The following GTF2H3 variants were observed in gnomAD, a reference collection of about 807,000 sequenced individuals.
The protein encoded by GTF2H3 is TFIIH basal transcription factor complex p34 subunit.
In GTF2H3, 42 loss-of-function variants were observed where a neutral mutation model predicts 51.1. That is an observed-to-expected ratio of 0.82 (90% CI 0.64 to 1.06). The LOEUF is 1.06. Ranked by LOEUF, GTF2H3 falls within the 50% of genes least tolerant of loss-of-function variation. The pLI, the probability that GTF2H3 is intolerant of heterozygous loss-of-function variation, is 0.00. For synonymous variants in GTF2H3, 123 were observed against 123.8 expected, an observed-to-expected ratio of 0.99 and a Z score of 0.04; for missense variants, 326 against 366.1, an observed-to-expected ratio of 0.89 and a Z score of 0.89.
intron 2 of GTF2H3, among the ~76,000 whole-genome samples, chr12:123,642,699 C>T (rs1955394363): frequency 6.6e-6 from 1 of 152,150 alleles, no homozygotes; most frequent in South Asian, 2.1e-4. Context: ...TCCCCATGTT[C>T]TTATTGTCAT....
chr12:123,660,260 T>C lies in GTF2H3; in HGVS notation c.*25T>C. The C allele has an allele frequency of 6.5e-7, 1 of 1,533,316 alleles. No individual in the cohort carries two copies. Among genetic ancestry groups the C allele is most frequent in the Non-Finnish European group, 9.0e-7 (1 of 1,116,626 alleles). 95.0% of individuals were successfully genotyped at this position (1,533,316 alleles called of 1,614,324 possible). The stretch of plus-strand genomic sequence containing the variant: ...AGGATAAAATATTTTCCCCATCTTT[T>C]AGAGCTGTTAATAGAAATTATATAG... On this transcript the variant is annotated 3_prime_UTR_variant, in exon 13 of 13. Coordinates refer to ENST00000543341, the MANE Select transcript of GTF2H3 (RefSeq NM_001516.5).
chr12:123,655,069 C>A, intron 8 of GTF2H3, 71 bp downstream of exon 8: 1 of 1,149,164 alleles, frequency 8.7e-7, no homozygotes, highest in South Asian at 1.2e-5. Flanking sequence ...TTTGAATGCT[C>A]TACTCTGAGG....
Position 123,652,514 on chromosome 12 carries a change from T to C in GTF2H3, c.428-18T>C, listed in dbSNP as rs370690399. On this transcript the variant is annotated intron_variant, in intron 5 of 12. Coordinates refer to ENST00000543341, the MANE Select transcript of GTF2H3 (RefSeq NM_001516.5). Reference sequence around the variant, plus strand: ...AGCAAAATAATATTTTTGTATTCCTTAATGTTAAGAAATTAAGACATTCAT... The same window carrying C: ...AGCAAAATAATATTTTTGTATTCCTCAATGTTAAGAAATTAAGACATTCAT... 1.5e-6 allele frequency: 2 copies of C among 1,326,414 alleles called. No homozygotes were observed. Among genetic ancestry groups the C allele is most frequent in the Non-Finnish European group, 2.1e-6 (2 of 948,656 alleles). The allele number at this position is 1,326,414 out of a possible 1,614,324, so 82.2% of individuals were successfully genotyped here.
intron 1 of GTF2H3, among the ~76,000 whole-genome samples, chr12:123,634,728 A>G (rs1331630477): frequency 2.6e-5 from 4 of 152,208 alleles, no homozygotes; most frequent in African/African-American, 9.7e-5. Flanking sequence ...GGGGAGACTC[A>G]TTCATACATT....
At chr12:123,634,364 C>T (rs1955241345) in intron 1 of GTF2H3, among the ~76,000 whole-genome samples, 1 of 152,150 alleles carries the variant, frequency 6.6e-6, no homozygotes, top group Non-Finnish European at 1.5e-5. Context: ...ATCACTTGAG[C>T]CCAGGAATTC....
At chr12:123,633,926 G>T (rs1955232300) in intron 1 of GTF2H3, 54 bp downstream of exon 1, 21 of 1,582,786 alleles carry the variant, frequency 1.3e-5, no homozygotes, top group Non-Finnish European at 1.8e-5. Flanking sequence ...GTCTCGGTCC[G>T]GCTACGACTG....
In GTF2H3 at chr12:123,659,840, C is replaced by T. The variant is rs778236454; in HGVS notation, c.730C>T (p.Pro244Ser). The T allele has an allele frequency of 2.5e-6, 4 of 1,613,306 alleles. No homozygotes were observed. The South Asian group carries it at 4.4e-5, about 18-fold the overall frequency. The change falls in exon 11 of 13, where the codon CCA (proline) becomes TCA (serine). Residue 244 changes from proline (P) to serine (S), a missense_variant. By Grantham distance (74) the Pro-to-Ser change is moderately conservative (BLOSUM62 -1). Coordinates refer to ENST00000543341, the MANE Select transcript of GTF2H3 (RefSeq NM_001516.5). ...DQDQRSQLIL[P>S]PPVHVDYRAA... ...AGATCAGAGATCTCAGTTAATCCTC[C>T]CACCCCCAGTTCATGTTGACTACAG...
intron 4 of GTF2H3, 101 bp from the exon 5 acceptor site, chr12:123,650,893 T>C: frequency 2.8e-6 from 2 of 708,678 alleles, no homozygotes; most frequent in Non-Finnish European, 5.1e-6. Context: ...TTATGAAGAA[T>C]GCTTTGGTGT....
In GTF2H3 at chr12:123,645,519, G is replaced by A. The variant is rs1395649342; in HGVS notation, c.158G>A (p.Arg53His). Residue 53 changes from arginine to histidine, a missense_variant, in exon 3 of 13, where the codon CGT becomes CAT. Transcript: ENST00000543341. ...GGAAATTCGCATTTATTCATGAATCGTTCCAACAAACTTGCTGTGATAGCA... is the reference window on the plus strand; with the variant it reads ...GGAAATTCGCATTTATTCATGAATCATTCCAACAAACTTGCTGTGATAGCA... ...VLGNSHLFMN[R>H]SNKLAVIASH... 2.5e-6 allele frequency: 4 copies of A among 1,609,098 alleles called. No individual in the cohort carries two copies. Among genetic ancestry groups the A allele is most frequent in the African/African-American group, 1.3e-5 (1 of 74,764 alleles).
chr12:123,656,122 G>C (rs1955583637), intron 9 of GTF2H3: 2 of 254,340 alleles, frequency 7.9e-6, no homozygotes, highest in Non-Finnish European at 1.5e-5. Flanking sequence ...GTTTTTGTTA[G>C]ATGTTTTTTG....
chr12:123,648,267 G>T, intron 4 of GTF2H3, 141 bp downstream of exon 4: 1 of 592,598 alleles, frequency 1.7e-6, no homozygotes, highest in Non-Finnish European at 2.9e-6. Flanking sequence ...GTCAAAGTTG[G>T]TTCATTATTT....
intron 4 of GTF2H3, chr12:123,649,760 A>G (rs1955496945): frequency 6.6e-6 from 1 of 152,196 alleles, no homozygotes; most frequent in African/African-American, 2.4e-5. Context: ...GTGATTGCAA[A>G]TGGGCCCAAA....
chr12:123,654,906 C>T lies in GTF2H3; in HGVS notation c.487-18C>T. The T allele has an allele frequency of 6.3e-7, 1 of 1,590,604 alleles. No homozygotes were observed. The highest frequency in any genetic ancestry group is 8.6e-7 in the Non-Finnish European group (1 of 1,158,504). On this transcript the variant is annotated intron_variant, in intron 7 of 12. Coordinates refer to ENST00000543341, the MANE Select transcript of GTF2H3 (RefSeq NM_001516.5). Reference sequence around the variant, plus strand: ...CTGGCATGTGCCTGGGTGGAATTAACATGACTGTGATTTTTAGGTGATTAA... The same window carrying T: ...CTGGCATGTGCCTGGGTGGAATTAATATGACTGTGATTTTTAGGTGATTAA...
At chr12:123,655,748 T>C (rs1345805924) in intron 8 of GTF2H3, 23 bp from the exon 9 acceptor site, 1 of 1,421,010 alleles carries the variant, frequency 7.0e-7, no homozygotes, top group Admixed American at 1.7e-5. Flanking sequence ...ATTCCTGTAA[T>C]ATTTTCAAAA....
At chr12:123,652,250 T>G (rs1339598156) in intron 5 of GTF2H3, among the ~76,000 whole-genome samples, 4 of 152,202 alleles carry the variant, frequency 2.6e-5, no homozygotes, top group Non-Finnish European at 5.9e-5. Flanking sequence ...GGATTCAAAT[T>G]TAGGACATGG....
At chr12:123,659,961 T>G (rs1411372961) in intron 11 of GTF2H3, 31 bp downstream of exon 11, 14 of 1,607,412 alleles carry the variant, frequency 8.7e-6, no homozygotes, top group Non-Finnish European at 1.2e-5. Flanking sequence ...TTTCTTTTTT[T>G]TCTATGTTGG....
At chr12:123,643,835 T>C (rs1955411393) in intron 2 of GTF2H3, among the ~76,000 whole-genome samples, 1 of 150,952 alleles carries the variant, frequency 6.6e-6, no homozygotes, top group Non-Finnish European at 1.5e-5. Flanking sequence ...AATTTACCAG[T>C]GTGTTGGTCT....
intron 9 of GTF2H3, among the ~76,000 whole-genome samples, chr12:123,656,944 C>G (rs968506594): frequency 1.3e-5 from 2 of 151,992 alleles, no homozygotes; most frequent in Non-Finnish European, 2.9e-5. Flanking sequence ...AAAAATTAGC[C>G]TATCATGGTG....
At chr12:123,654,254 ATATTTTGGGGGGGTG>A (rs1593810752) in intron 7 of GTF2H3, among the ~76,000 whole-genome samples, 1 of 81,412 alleles carries the variant, frequency 1.2e-5, no homozygotes, top group South Asian at 4.5e-4. Context: ...TGGGGTGTGT[ATATTTTGGGGGGGTG>A]TATTTTGGGG....
Sources: gnomAD v4.1 joint callset for allele counts (sites outside exome capture counted in the v4.1 genomes callset) on GRCh38, gnomAD v4.1.1 for gene constraint, MANE v1.5 for transcripts, NCBI Gene and HGNC (gene_info 2026-07-23, HGNC 2026-07-21) for gene names.